The following INPP4B variants were observed in gnomAD, a reference collection of about 807,000 sequenced individuals.
The protein encoded by INPP4B is inositol polyphosphate-4-phosphatase type II B.
Under a neutral mutation model 122.5 loss-of-function variants are expected in INPP4B, and 55 were observed. That is an observed-to-expected ratio of 0.45 (90% CI 0.36 to 0.56). The LOEUF is 0.56. Ranked by LOEUF, INPP4B falls within the 20% of genes least tolerant of loss-of-function variation. INPP4B has a pLI of 0.00. For synonymous variants in INPP4B, 403 were observed against 388.7 expected (o/e 1.04, Z -0.43); for missense variants, 1,000 against 1,097.7 (o/e 0.91, Z 1.26).
intron 2 of INPP4B, among the ~76,000 whole-genome samples, chr4:142,688,004 A>G (rs77363213): frequency 0.011 from 1,739 of 152,242 alleles, 30 homozygotes; most frequent in African/African-American, 0.032. Flanking sequence ...TGAAAGAAAC[A>G]CAAATCTCAC....
At chr4:142,439,658 CAAGT>C (rs1257830076) in intron 3 of INPP4B, among the ~76,000 whole-genome samples, 1 of 152,132 alleles carries the variant, frequency 6.6e-6, no homozygotes, top group Non-Finnish European at 1.5e-5. Context: ...AAGCAGCATA[CAAGT>C]AAGAAAGAAA....
intron 11 of INPP4B, among the ~76,000 whole-genome samples, chr4:142,253,646 C>T (rs62330982): frequency 0.024 from 3,590 of 152,278 alleles, 68 homozygotes; most frequent in Non-Finnish European, 0.04. Context: ...GCTTTTCCGA[C>T]GGGCTTAAAA....
rs189385869 is a variant in INPP4B, at chr4:142,367,493, A to C, written c.372+35445T>G. Among the ~76,000 whole-genome samples, 242 of 152,184 alleles carry C rather than the reference A, an allele frequency of 1.6e-3. 1 individual carries two copies. Among genetic ancestry groups the C allele is most frequent in the African/African-American group, 5.7e-3 (238 of 41,534 alleles). ...TACTTCTTTATTAATATGTTTTACT[A>C]TCAGTCTGTCTAGAGGGTGCTATTC... is the stretch of plus-strand genomic sequence containing the variant. On this transcript the variant is annotated intron_variant, in intron 7 of 25. Transcript: ENST00000262992.
chr4:142,808,548 T>C (rs1321122429), intron 1 of INPP4B, among the ~76,000 whole-genome samples: 1 of 152,180 alleles, frequency 6.6e-6, no homozygotes, highest in Non-Finnish European at 1.5e-5. Flanking sequence ...ATAAATAATA[T>C]GCATAAGTAA....
chr4:142,333,671 T>C (rs1389594867), intron 7 of INPP4B, among the ~76,000 whole-genome samples: 1 of 151,792 alleles, frequency 6.6e-6, no homozygotes, highest in Admixed American at 6.6e-5. Flanking sequence ...TTTATTTTTG[T>C]TTTTTTTGTA....
At chr4:142,147,160 A>G (rs1028508921) in intron 17 of INPP4B, among the ~76,000 whole-genome samples, 11 of 152,210 alleles carry the variant, frequency 7.2e-5, no homozygotes, top group Admixed American at 5.9e-4. Context: ...CTTTCTCTAT[A>G]ATAGAGCTAT....
At chr4:142,035,966 A>G (rs372124797) in intron 25 of INPP4B, among the ~76,000 whole-genome samples, 9 of 152,090 alleles carry the variant, frequency 5.9e-5, no homozygotes, top group African/African-American at 2.2e-4. Context: ...ATACAGGGGC[A>G]TACATGAGTA....
intron 2 of INPP4B, among the ~76,000 whole-genome samples, chr4:142,507,448 G>T (rs893296937): frequency 2.0e-5 from 3 of 151,956 alleles, no homozygotes; most frequent in Admixed American, 1.3e-4. Flanking sequence ...GATTTAACAG[G>T]TAAGAGGCAA....
chr4:142,071,204 T>G (rs1199964242), intron 25 of INPP4B, among the ~76,000 whole-genome samples: 1 of 152,126 alleles, frequency 6.6e-6, no homozygotes, highest in Non-Finnish European at 1.5e-5. Flanking sequence ...CATTTGATCT[T>G]TGACAAACCT....
chr4:142,697,369 A>T (rs1761172659), intron 2 of INPP4B, among the ~76,000 whole-genome samples: 1 of 152,188 alleles, frequency 6.6e-6, no homozygotes, highest in African/African-American at 2.4e-5. Flanking sequence ...AGAGTCTGGG[A>T]TCAACTGTGA....
In INPP4B at chr4:142,268,322, C is replaced by CAAAAAAAA. The variant is rs56908599; in HGVS notation, c.615+2333_615+2340dup. ...TGGGTGACAGAGCAAGACTCCGTCT[C>CAAAAAAAA]AAAAAAAAAAAAAAAAAAAAAAAAT... On this transcript the variant is annotated intron_variant, in intron 10 of 25. Coordinates refer to ENST00000262992, the MANE Select transcript of INPP4B (RefSeq NM_001101669.3). 9.0e-3 allele frequency among the ~76,000 whole-genome samples: 62 copies of CAAAAAAAA among 6,894 alleles called. 23 individuals are homozygous for CAAAAAAAA. Among genetic ancestry groups the CAAAAAAAA allele is most frequent in the East Asian group, 0.087 (14 of 160 alleles). 4.5% of individuals were successfully genotyped at this position (6,894 alleles called of 152,430 possible). A position where few individuals can be genotyped will look rare whatever the true frequency, so the allele number is the denominator to read the frequency against.
chr4:142,112,341 G>A (rs1790623212), intron 22 of INPP4B, among the ~76,000 whole-genome samples: 1 of 152,084 alleles, frequency 6.6e-6, no homozygotes, highest in African/African-American at 2.4e-5. Flanking sequence ...CAATATTTTT[G>A]CCACATTTAA....
chr4:142,771,341 T>C (rs774088955), intron 1 of INPP4B, among the ~76,000 whole-genome samples: 6 of 152,026 alleles, frequency 3.9e-5, no homozygotes, highest in Non-Finnish European at 8.8e-5. Context: ...ATTGGAGAAG[T>C]TTTAAAACGG....
At chr4:142,347,448 C>A in intron 7 of INPP4B, 1 of 421,778 alleles carries the variant, frequency 2.4e-6, no homozygotes, top group Non-Finnish European at 4.7e-6. Flanking sequence ...AGTATTGCAT[C>A]ACAGCTGACA....
chr4:142,841,970 CAGAT>C (rs574514290), intron 1 of INPP4B, among the ~76,000 whole-genome samples: 102 of 151,738 alleles, frequency 6.7e-4, no homozygotes, highest in Admixed American at 1.5e-3. Context: ...TAGATAGACA[CAGAT>C]AGATAGATTG....
intron 3 of INPP4B, among the ~76,000 whole-genome samples, chr4:142,453,436 T>C (rs1420380951): frequency 6.6e-6 from 1 of 152,214 alleles, no homozygotes; most frequent in Non-Finnish European, 1.5e-5. Flanking sequence ...TAGTTTCTGA[T>C]GATGGATTAC....
chr4:142,657,478 T>C (rs193172089), intron 2 of INPP4B, among the ~76,000 whole-genome samples: 2 of 152,312 alleles, frequency 1.3e-5, no homozygotes, highest in Admixed American at 6.5e-5. Context: ...CCAAGTTTTA[T>C]CTTAAAGTTA....
chr4:142,467,276 G>C (rs533825032), intron 2 of INPP4B, among the ~76,000 whole-genome samples: 1 of 152,212 alleles, frequency 6.6e-6, no homozygotes, highest in South Asian at 2.1e-4. Context: ...GAGAGCAGCC[G>C]TGTGGACTGC....
intron 2 of INPP4B, among the ~76,000 whole-genome samples, chr4:142,571,086 T>C (rs1216936110): frequency 3.7e-4 from 49 of 130,838 alleles, no homozygotes; most frequent in Admixed American, 6.1e-4. Flanking sequence ...TTTTCATGTT[T>C]CTCAAAAAAA....
Sources: gnomAD v4.1 joint callset for allele counts (sites outside exome capture counted in the v4.1 genomes callset) on GRCh38, gnomAD v4.1.1 for gene constraint, MANE v1.5 for transcripts, NCBI Gene and HGNC (gene_info 2026-07-23, HGNC 2026-07-21) for gene names.